Variants in PLXNB2 observed in about 807,000 individuals in gnomAD.
PLXNB2 encodes plexin B2.
A neutral mutation model predicts 202.6 loss-of-function variants in PLXNB2; 85 were observed. That is an observed-to-expected ratio of 0.42 (90% CI 0.35 to 0.50). PLXNB2 has a LOEUF of 0.50. PLXNB2 is among the 20% of genes least tolerant of loss of function. The pLI is 0.02. For synonymous variants in PLXNB2, 1,239 were observed against 1,137.6 expected, an observed-to-expected ratio of 1.09 and a Z score of -1.79; for missense variants, 2,063 against 2,586.2, an observed-to-expected ratio of 0.80 and a Z score of 4.39.
At chr22:50,287,899 G>C in intron 6 of PLXNB2, 38 bp downstream of exon 6, 1 of 1,581,568 alleles carries the variant, frequency 6.3e-7, no homozygotes, top group South Asian at 1.1e-5. Context: ...CGGGATCCCA[G>C]AGGCAGGCCG....
chr22:50,294,630 C>T, intron 2 of PLXNB2, 89 bp downstream of exon 2: 1 of 431,336 alleles, frequency 2.3e-6, no homozygotes, highest in Non-Finnish European at 3.1e-6. Flanking sequence ...CAGAGCCTTG[C>T]AGACACCACA....
chr22:50,305,470 C>G (rs982559432), intron 1 of PLXNB2, among the ~76,000 whole-genome samples: 6 of 152,234 alleles, frequency 3.9e-5, no homozygotes, highest in African/African-American at 1.4e-4. Context: ...CAGATGACTC[C>G]TCACATAGAC....
intron 1 of PLXNB2, among the ~76,000 whole-genome samples, chr22:50,301,689 C>T (rs2067698675): frequency 1.3e-5 from 2 of 152,226 alleles, no homozygotes; most frequent in African/African-American, 4.8e-5. Flanking sequence ...AAGACCAGCC[C>T]CCGCCCACAG....
intron 1 of PLXNB2, among the ~76,000 whole-genome samples, chr22:50,295,091 C>T (rs1204755108): frequency 6.6e-6 from 1 of 151,964 alleles, no homozygotes; most frequent in Non-Finnish European, 1.5e-5. Context: ...GAGGCCGAGG[C>T]GGGAGGATCA....
Position 50,284,106 on chromosome 22 carries a change from C to G in PLXNB2, c.2263+26G>C, listed in dbSNP as rs775956237. 56 of 1,603,108 alleles carry G rather than the reference C, an allele frequency of 3.5e-5. 3 individuals carry two copies. In the South Asian group the frequency reaches 6.2e-4, roughly 18 times the overall value. On this transcript the variant is annotated intron_variant, in intron 13 of 36. Transcript: ENST00000359337. The surrounding 1 kb of genome is among the most constrained non-coding windows in gnomAD (Gnocchi z 8.0). The stretch of plus-strand genomic sequence containing the variant: ...CTTGTGCCCACCCGTCCCCTGCCCG[C>G]CCCCCACTGCGCCCGTGGCCCCCAC...
At position 50,277,756 on chromosome 22, in the gene PLXNB2, G is replaced by GGAATGAGA; in HGVS notation, c.5049-26_5049-19dup. 1 of 1,594,426 alleles carries GGAATGAGA rather than the reference G, an allele frequency of 6.3e-7. No individual in the cohort carries two copies. Among genetic ancestry groups the GGAATGAGA allele is most frequent in the South Asian group, 1.1e-5 (1 of 89,320 alleles). Reference sequence around the variant, plus strand: ...GCGGTAAGCTGAGGCAGAGCAGCAGGGAATGAGAGCCGGGGCTGGGCCGCG... The same window carrying GGAATGAGA: ...GCGGTAAGCTGAGGCAGAGCAGCAGGGAATGAGAGAATGAGAGCCGGGGCTGGGCCGCG... On this transcript the variant is annotated intron_variant, in intron 32 of 36. Coordinates refer to ENST00000359337, the MANE Select transcript of PLXNB2 (RefSeq NM_012401.4).
chr22:50,287,791 C>G lies in PLXNB2; in HGVS notation c.1484G>C (p.Cys495Ser). ...CCGCGGACACTCGGCCTTCCGGGTG[C>G]ATCTGCAGGCGCAGGGGGCGGCCTC... ...YCGWCVVEGRCTRKAECPRAE... is the reference protein window; with the variant it reads ...YCGWCVVEGRSTRKAECPRAE... Residue 495 changes from cysteine (C) to serine (S), a missense_variant and splice_region_variant, in exon 7 of 37, where the codon TGC (cysteine) becomes TCC (serine). This residue lies in a region of PLXNB2 where 1,303 missense variants were observed against 1,476.8 expected (regional missense o/e 0.88). Transcript: ENST00000359337. 6.3e-7 allele frequency: 1 copy of G among 1,593,728 alleles called. No individual in the cohort carries two copies. Among genetic ancestry groups the G allele is most frequent in the Non-Finnish European group, 8.5e-7 (1 of 1,176,852 alleles).
chr22:50,275,751 G>A lies in PLXNB2; in HGVS notation c.5470C>T (p.Leu1824=). 1 of 1,612,230 alleles carries A rather than the reference G, an allele frequency of 6.2e-7. No homozygotes were observed. The highest frequency in any genetic ancestry group is 1.1e-5 in the South Asian group (1 of 91,066). Residue 1824 remains leucine (L), a synonymous_variant, in exon 37 of 37, where the codon CTG becomes TTG. Transcript: ENST00000359337. ...TCCAGTGCAGCGGCAATCTGCTGCA[G>A]GCGGAAGGCCAGCTGCATCTTCTGG... ...AAQKMQLAFR[L]QQIAAALENK... is the part of the protein sequence containing the mutation.
chr22:50,299,808 G>A (rs2067557506), intron 1 of PLXNB2, among the ~76,000 whole-genome samples: 1 of 152,152 alleles, frequency 6.6e-6, no homozygotes, highest in Non-Finnish European at 1.5e-5. Context: ...GTGTCTCCTG[G>A]GTGGGTCTGC....
intron 1 of PLXNB2, among the ~76,000 whole-genome samples, chr22:50,303,698 G>A (rs1164808034): frequency 6.6e-6 from 1 of 152,230 alleles, no homozygotes; most frequent in African/African-American, 2.4e-5. Flanking sequence ...CTCCACACAG[G>A]GCCCCCCATG....
rs967412800 is a variant in PLXNB2, at chr22:50,294,744, G to T, written c.-39C>A. The T allele has an allele frequency of 2.5e-5, 25 of 985,424 alleles. No homozygotes were observed. The highest frequency in any genetic ancestry group is 6.1e-5 in the Admixed American group (1 of 16,270). The allele number at this position is 985,424 out of a possible 1,614,324, so 61.0% of individuals were successfully genotyped here. ...CCCTCACCGAGGCTCCAGTGGTCCA[G>T]CTCAGTTTCTGCTCCAGGCCAGCAT... On this transcript the variant is annotated 5_prime_UTR_variant, in exon 2 of 37. In the 5' UTR this introduces an upstream ATG that the reference lacks. Coordinates refer to ENST00000359337, the MANE Select transcript of PLXNB2 (RefSeq NM_012401.4).
chr22:50,297,096 G>A lies in PLXNB2; in HGVS notation c.-73-2318C>T, dbSNP rs564032054. ...AGGAGCCAAAGCACAGGGCAGCACC[G>A]GGTCTCCTGAGAAAGCTGGGACCCG... On this transcript the variant is annotated intron_variant, in intron 1 of 36. Transcript: ENST00000359337. The surrounding 1 kb of genome is among the most constrained non-coding windows in gnomAD (Gnocchi z 5.3). Among the ~76,000 whole-genome samples the A allele has an allele frequency of 2.6e-5, 4 of 152,322 alleles. No individual in the cohort carries two copies. The highest frequency in any genetic ancestry group is 2.1e-4 in the South Asian group (1 of 4,826).
Position 50,281,714 on chromosome 22 carries a change from A to G in PLXNB2, c.3374T>C (p.Leu1125Pro), listed in dbSNP as rs2066004358. The G allele has an allele frequency of 1.9e-6, 3 of 1,561,822 alleles. No homozygotes were observed. Among genetic ancestry groups the G allele is most frequent in the Non-Finnish European group, 2.6e-6 (3 of 1,152,062 alleles). Residue 1125 changes from leucine (L) to proline (P), a missense_variant, in exon 21 of 37, where the codon CTG (leucine) becomes CCG (proline). By Grantham distance (98) the Leu-to-Pro change is moderately conservative (BLOSUM62 -3). Coordinates refer to ENST00000359337, the MANE Select transcript of PLXNB2 (RefSeq NM_012401.4). ...ACCCACGAAGGCCTCGGCCTCCTGC[A>G]GCGTCATCGCCTTGTTCAGATTGGT... ...RGTNLNKAMT[L>P]QEAEAFVGAE...
At chr22:50,286,388 C>T in intron 8 of PLXNB2, 101 bp from the exon 9 acceptor site, 1 of 787,490 alleles carries the variant, frequency 1.3e-6, no homozygotes, top group South Asian at 1.5e-5. Context: ...GGTGGAGACC[C>T]CTGGTCTTCA....
In PLXNB2 at chr22:50,275,335, CA is replaced by C. The variant is rs986166634; in HGVS notation, c.*368del. 27 of 457,954 alleles carry C rather than the reference CA, an allele frequency of 5.9e-5. No homozygotes were observed. The highest frequency in any genetic ancestry group is 1.2e-3 in the Middle Eastern group (2 of 1,662). The allele number at this position is 457,954 out of a possible 1,614,324, so 28.4% of individuals were successfully genotyped here. The stretch of plus-strand genomic sequence containing the variant: ...GGGGGCCACAGGCCCTCAGATCCCC[CA>C]GGGGCCCAACCTAGGGCATGGAGGC... On this transcript the variant is annotated 3_prime_UTR_variant, in exon 37 of 37. Transcript: ENST00000359337.
chr22:50,300,167 G>A, intron 1 of PLXNB2: 1 of 688,434 alleles, frequency 1.5e-6, no homozygotes, highest in African/African-American at 1.9e-5. Flanking sequence ...AACCTCACCA[G>A]GCCGGGGGCC....
Position 50,288,604 on chromosome 22 carries a change from C to T in PLXNB2, c.1380+139G>A. 8.2e-7 allele frequency: 1 copy of T among 1,212,974 alleles called. No individual in the cohort carries two copies. The highest frequency in any genetic ancestry group is 1.1e-6 in the Non-Finnish European group (1 of 882,590). The allele number at this position is 1,212,974 out of a possible 1,614,324, so 75.1% of individuals were successfully genotyped here. On this transcript the variant is annotated intron_variant, in intron 5 of 36. Coordinates refer to ENST00000359337, the MANE Select transcript of PLXNB2 (RefSeq NM_012401.4). This position sits in a 1 kb window ranked among gnomAD's most constrained non-coding sequence, Gnocchi z 5.0. ...ACTGCCCGGGACCCACCCAGCCACCCCTCATCCAGACCAAGGAGAAGGGCC... is the reference window on the plus strand; with the variant it reads ...ACTGCCCGGGACCCACCCAGCCACCTCTCATCCAGACCAAGGAGAAGGGCC...
At chr22:50,292,805 C>T (rs985461972) in intron 2 of PLXNB2, among the ~76,000 whole-genome samples, 13 of 152,322 alleles carry the variant, frequency 8.5e-5, no homozygotes, top group Admixed American at 2.6e-4. Context: ...CGCAACCGAC[C>T]GACAACATCT....
chr22:50,296,663 G>T (rs1243382797), intron 1 of PLXNB2, among the ~76,000 whole-genome samples: 2 of 149,508 alleles, frequency 1.3e-5, no homozygotes, highest in African/African-American at 2.5e-5. Context: ...TCTGCCTCAA[G>T]ATGTGACTCT....
Sources: gnomAD v4.1 joint callset for allele counts (sites outside exome capture counted in the v4.1 genomes callset) on GRCh38, gnomAD v4.1.1 for gene constraint, gnomAD v4.1.1 regional missense constraint, Gnocchi (gnomAD v3.1) non-coding constraint, MANE v1.5 for transcripts, NCBI Gene and HGNC (gene_info 2026-07-23, HGNC 2026-07-21) for gene names.